MAGI2: variants seen among roughly 807,000 people sequenced by gnomAD.
The protein encoded by MAGI2 is membrane associated guanylate kinase, WW and PDZ domain containing 2.
Under a neutral mutation model 133.3 loss-of-function variants are expected in MAGI2, and 35 were observed. That is an observed-to-expected ratio of 0.26 (90% CI 0.20 to 0.35). The LOEUF (loss-of-function observed/expected upper bound fraction) is 0.35. Among genes scored for constraint, MAGI2 ranks in the 10% least tolerant of loss-of-function variants. The probability of loss-of-function intolerance (pLI) is 1.00; values close to 1 mark genes in which losing one functional copy is unlikely to be tolerated. For missense variants in MAGI2, 1,636 were observed against 1,863.4 expected, an observed-to-expected ratio of 0.88 and a Z score of 2.25; for synonymous variants, 729 against 710.6, an observed-to-expected ratio of 1.03 and a Z score of -0.41.
chr7:79,060,372 T>C (rs1410343039), intron 1 of MAGI2, among the ~76,000 whole-genome samples: 1 of 152,012 alleles, frequency 6.6e-6, no homozygotes, highest in Admixed American at 6.6e-5. Flanking sequence ...AAAAACTTGG[T>C]GTAATTATGT....
At chr7:78,358,210 T>A (rs892341762) in intron 7 of MAGI2, 4 of 68,528 alleles carry the variant, frequency 5.8e-5, no homozygotes, top group Admixed American at 1.9e-4. Flanking sequence ...TATATATATA[T>A]ATATATATAT....
chr7:78,066,663 A>G (rs1412128883), intron 21 of MAGI2, among the ~76,000 whole-genome samples: 1 of 152,108 alleles, frequency 6.6e-6, no homozygotes, highest in Admixed American at 6.5e-5. Context: ...TTCTTTACCT[A>G]TACAAAGATG....
At chr7:78,842,708 T>C (rs1792249130) in intron 2 of MAGI2, among the ~76,000 whole-genome samples, 1 of 151,884 alleles carries the variant, frequency 6.6e-6, no homozygotes, top group Non-Finnish European at 1.5e-5. Context: ...TATATGCTTA[T>C]GGTGTCAATG....
At chr7:78,568,801 A>AC (rs957000004) in intron 3 of MAGI2, among the ~76,000 whole-genome samples, 4 of 152,102 alleles carry the variant, frequency 2.6e-5, no homozygotes, top group Admixed American at 1.3e-4. Context: ...TGAAAAAAAA[A>AC]CATGTAAGTC....
chr7:78,793,342 G>A (rs1027417031), intron 2 of MAGI2, among the ~76,000 whole-genome samples: 1 of 152,070 alleles, frequency 6.6e-6, no homozygotes, highest in Non-Finnish European at 1.5e-5. Context: ...AACATTTTTT[G>A]GTTTTTACAA....
intron 2 of MAGI2, among the ~76,000 whole-genome samples, chr7:78,650,261 C>T (rs903764487): frequency 6.6e-6 from 1 of 152,160 alleles, no homozygotes; most frequent in South Asian, 2.1e-4. Flanking sequence ...GATTAGCCTG[C>T]ATGTTTATGA....
In MAGI2 at chr7:78,529,628, T is replaced by G. The variant is rs550681044; in HGVS notation, c.539-7983A>C. On this transcript the variant is annotated intron_variant, in intron 3 of 21. Coordinates refer to ENST00000354212, the MANE Select transcript of MAGI2 (RefSeq NM_012301.4). The stretch of plus-strand genomic sequence containing the variant: ...TGAGCCACATATATGGAATTTAAAT[T>G]TTTTTGTTTTTGCTTTTCTTTTCCT... Among the ~76,000 whole-genome samples, 73 of 150,992 alleles carry G rather than the reference T, an allele frequency of 4.8e-4. No homozygotes were observed. In the Middle Eastern group the frequency reaches 0.01, roughly 21 times the overall value.
chr7:78,417,093 G>A (rs1258230450), intron 6 of MAGI2, among the ~76,000 whole-genome samples: 1 of 152,068 alleles, frequency 6.6e-6, no homozygotes, highest in African/African-American at 2.4e-5. Context: ...ACAAGATCAG[G>A]AAGTATAAAT....
At chr7:79,316,267 AC>A (rs1383911011) in intron 1 of MAGI2, among the ~76,000 whole-genome samples, 2 of 150,284 alleles carry the variant, frequency 1.3e-5, no homozygotes, top group East Asian at 1.9e-4. Flanking sequence ...TACCACCACC[AC>A]CCCCCCACTC....
rs980041582 is a variant in MAGI2, at chr7:79,155,656, T to C, written c.302-148450A>G. On this transcript the variant is annotated intron_variant, in intron 1 of 21. Transcript: ENST00000354212. The stretch of plus-strand genomic sequence containing the variant: ...GGACCAGAGAGTTGGAAGTGTGTTT[T>C]AGACAGAGGGTATAGCATGTGCAAA... Among the ~76,000 whole-genome samples the C allele has an allele frequency of 7.2e-5, 11 of 152,210 alleles. No homozygotes were observed. The East Asian group carries it at 1.9e-3, about 27-fold the overall frequency.
chr7:78,873,759 T>C (rs899618222), intron 2 of MAGI2, among the ~76,000 whole-genome samples: 2 of 152,114 alleles, frequency 1.3e-5, no homozygotes, highest in Non-Finnish European at 2.9e-5. Context: ...ACCAAAAAGG[T>C]TGGGGACCAC....
intron 6 of MAGI2, chr7:78,457,023 T>C (rs1437756259): frequency 6.6e-6 from 1 of 152,214 alleles, no homozygotes. Flanking sequence ...AGATCAGATT[T>C]CTACAGTTAT....
intron 2 of MAGI2, among the ~76,000 whole-genome samples, chr7:78,969,262 A>G (rs1282034116): frequency 1.3e-5 from 2 of 152,044 alleles, no homozygotes; most frequent in Non-Finnish European, 1.5e-5. Flanking sequence ...ACCTGGTCAA[A>G]CCAATCCCCT....
intron 21 of MAGI2, among the ~76,000 whole-genome samples, chr7:78,052,508 T>G (rs1713611388): frequency 1.3e-5 from 2 of 152,192 alleles, no homozygotes; most frequent in African/African-American, 4.8e-5. Context: ...TCCCTCTGCT[T>G]TATAAATGAC....
At position 78,201,154 on chromosome 7, in the gene MAGI2, C is replaced by T. The variant is rs371514174; in HGVS notation, c.2079+8G>A. ...AATAAAGAAAGAAGCATAATAATTC[C>T]AACTTACAGGCTTTGGAGTTTTCCA... On this transcript the variant is annotated splice_region_variant and intron_variant, in intron 11 of 21. Coordinates refer to ENST00000354212, the MANE Select transcript of MAGI2 (RefSeq NM_012301.4). 21 of 1,476,978 alleles carry T rather than the reference C, an allele frequency of 1.4e-5. No individual in the cohort carries two copies. In the African/African-American group the frequency reaches 3.0e-4, roughly 21 times the overall value. 91.5% of individuals were successfully genotyped at this position (1,476,978 alleles called of 1,614,324 possible).
At chr7:78,621,517 C>G (rs1211670887) in intron 3 of MAGI2, among the ~76,000 whole-genome samples, 1 of 151,974 alleles carries the variant, frequency 6.6e-6, no homozygotes, top group Non-Finnish European at 1.5e-5. Context: ...ACTATCATGG[C>G]CAAGTCCCCC....
intron 1 of MAGI2, among the ~76,000 whole-genome samples, chr7:79,406,396 T>C (rs546687902): frequency 1.3e-5 from 2 of 152,152 alleles, no homozygotes; most frequent in Non-Finnish European, 1.5e-5. Flanking sequence ...TACAAGAATG[T>C]AGTTCTTTCT....
intron 10 of MAGI2, chr7:78,252,365 C>T (rs552230302): frequency 1.3e-5 from 2 of 151,786 alleles, no homozygotes; most frequent in South Asian, 4.2e-4. Context: ...AAATAAACCT[C>T]CACATTTATG....
intron 6 of MAGI2, among the ~76,000 whole-genome samples, chr7:78,439,728 TTAAGA>T (rs1787408638): frequency 6.6e-6 from 1 of 152,202 alleles, no homozygotes; most frequent in Non-Finnish European, 1.5e-5. Flanking sequence ...TCACTGCTTA[TTAAGA>T]TATTTTCACC....
Sources: allele counts gnomAD v4.1 joint callset (sites outside exome capture counted in the v4.1 genomes callset), GRCh38; gene constraint gnomAD v4.1.1; transcripts MANE v1.5; gene names NCBI Gene and HGNC (gene_info 2026-07-23, HGNC 2026-07-21).